The following SAMD12 variants were observed in gnomAD, a reference collection of about 807,000 sequenced individuals.
SAMD12 encodes the protein sterile alpha motif domain containing 12, also known as sterile alpha motif domain-containing protein 12.
SAMD12 carries 9 observed loss-of-function variants against 15.0 expected under a neutral mutation model. That is an observed-to-expected ratio of 0.60 (90% CI 0.36 to 1.05). The LOEUF (loss-of-function observed/expected upper bound fraction) is 1.05. Among genes scored for constraint, SAMD12 ranks in the 50% least tolerant of loss-of-function variants. SAMD12 has a pLI of 0.01. For synonymous variants in SAMD12, 86 were observed against 90.1 expected, an observed-to-expected ratio of 0.96 and a Z score of 0.25; for missense variants, 230 against 234.2, an observed-to-expected ratio of 0.98 and a Z score of 0.12.
At chr8:118,217,416 G>T (rs1177928550) in intron 4 of SAMD12, among the ~76,000 whole-genome samples, 1 of 152,180 alleles carries the variant, frequency 6.6e-6, no homozygotes, top group Admixed American at 6.5e-5. Flanking sequence ...TATCAGTATG[G>T]GTGAGGGATT....
intron 2 of SAMD12, among the ~76,000 whole-genome samples, chr8:118,442,349 C>T (rs1482986622): frequency 1.3e-5 from 2 of 152,216 alleles, no homozygotes; most frequent in Admixed American, 1.3e-4. Flanking sequence ...CTTTCACGTT[C>T]AGCCCTTGCT....
intron 4 of SAMD12, among the ~76,000 whole-genome samples, chr8:118,329,527 T>G (rs1816717132): frequency 6.6e-6 from 1 of 152,132 alleles, no homozygotes; most frequent in Admixed American, 6.6e-5. Flanking sequence ...CTGGAGTGCA[T>G]CTCCCTGATC....
chr8:118,372,990 G>A (rs933752689), downstream of SAMD12, among the ~76,000 whole-genome samples: 1 of 152,054 alleles, frequency 6.6e-6, no homozygotes, highest in African/African-American at 2.4e-5. Flanking sequence ...GTTGCCAGGG[G>A]CTGGTAGTAA....
At chr8:118,365,289 G>A (rs2130653259) in intron 4 of SAMD12, among the ~76,000 whole-genome samples, 1 of 152,252 alleles carries the variant, frequency 6.6e-6, no homozygotes, top group East Asian at 1.9e-4. Context: ...ACTGAGATAA[G>A]GGATGCCCAG....
intron 2 of SAMD12, among the ~76,000 whole-genome samples, chr8:118,542,751 T>G (rs1264493015): frequency 2.0e-5 from 3 of 152,252 alleles, no homozygotes; most frequent in Non-Finnish European, 4.4e-5. Flanking sequence ...ATGCATTTTA[T>G]TTCTATTTTG....
intron 4 of SAMD12, among the ~76,000 whole-genome samples, chr8:118,269,220 C>CTCTCTCTGTGTGTG (rs1299970707): frequency 8.9e-5 from 11 of 123,002 alleles, no homozygotes; most frequent in African/African-American, 3.7e-4. Context: ...CTCTCTCTCT[C>CTCTCTCTGTGTGTG]TGTGTGTGTG....
intron 1 of SAMD12, among the ~76,000 whole-genome samples, chr8:118,607,936 C>CTA (rs1180200334): frequency 6.6e-6 from 1 of 152,170 alleles, no homozygotes; most frequent in African/African-American, 2.4e-5. Flanking sequence ...TGTACATAGT[C>CTA]TATAAACACT....
chr8:118,280,392 G>T (rs1813590405), intron 4 of SAMD12, among the ~76,000 whole-genome samples: 1 of 152,138 alleles, frequency 6.6e-6, no homozygotes, highest in Admixed American at 6.5e-5. Context: ...TGACCACTCT[G>T]TGCTACATGG....
the SAMD12 span, among the ~76,000 whole-genome samples, chr8:118,143,151 CT>C: frequency 6.6e-6 from 1 of 152,232 alleles, no homozygotes; most frequent in Non-Finnish European, 1.5e-5. Context: ...ACAGTCAAGA[CT>C]TTTGATTACC....
intron 2 of SAMD12, among the ~76,000 whole-genome samples, chr8:118,441,918 A>G (rs10108907): frequency 0.69 from 104,652 of 151,988 alleles, 36,131 homozygotes; most frequent in Middle Eastern, 0.75. Context: ...ATGTGTAGGA[A>G]TTTTGGTCAA....
chr8:118,367,383 C>T (rs1424454311), intron 4 of SAMD12, among the ~76,000 whole-genome samples: 2 of 152,156 alleles, frequency 1.3e-5, no homozygotes, highest in African/African-American at 4.8e-5. Context: ...TTGAACACCG[C>T]ACATATTAGA....
the SAMD12 span, among the ~76,000 whole-genome samples, chr8:118,142,928 G>GAAT: frequency 1.3e-5 from 2 of 152,164 alleles, no homozygotes; most frequent in African/African-American, 4.8e-5. Flanking sequence ...TTAGAATAAT[G>GAAT]AATAATAATA....
chr8:118,336,171 G>C lies in SAMD12; in HGVS notation c.433+43389C>G, dbSNP rs569185350. ...TCAGAGAGTGACGGCACAGATATTT[G>C]AACCCAGCTCTGACTAACTCTAAAA... On this transcript the variant is annotated intron_variant, in intron 4 of 4. Coordinates refer to the SAMD12 transcript ENST00000409003. Among the ~76,000 whole-genome samples, 7 of 152,296 alleles carry C rather than the reference G, an allele frequency of 4.6e-5. No individual in the cohort carries two copies. In the South Asian group the frequency reaches 1.5e-3, roughly 32 times the overall value.
chr8:118,249,252 C>A (rs1563715041), intron 4 of SAMD12, among the ~76,000 whole-genome samples: 1 of 152,156 alleles, frequency 6.6e-6, no homozygotes. Context: ...CATTTTCTTA[C>A]ACTAAAAAGT....
the SAMD12 span, among the ~76,000 whole-genome samples, chr8:118,176,190 A>G: frequency 1.3e-5 from 2 of 152,208 alleles, no homozygotes; most frequent in Non-Finnish European, 2.9e-5. Flanking sequence ...AGTCCCAGCT[A>G]CTCAGAAGAC....
At position 118,379,357 on chromosome 8, in the gene SAMD12, C is replaced by A; in HGVS notation, c.*60G>T. 1 of 1,565,428 alleles carries A rather than the reference C, an allele frequency of 6.4e-7. No individual in the cohort carries two copies. On this transcript the variant is annotated 3_prime_UTR_variant, in exon 4 of 4. Transcript: ENST00000314727. ...GGTAATTCTGTTTGCTCATCCATTA[C>A]TTATTTGTGCATCCTTCTCCCTAGT... is the stretch of plus-strand genomic sequence containing the variant.
chr8:118,523,462 A>G (rs1825447824), intron 2 of SAMD12, among the ~76,000 whole-genome samples: 1 of 152,162 alleles, frequency 6.6e-6, no homozygotes, highest in African/African-American at 2.4e-5. Flanking sequence ...TGTAAATCAC[A>G]TAGACAATTA....
chr8:118,268,022 G>A (rs1478293314), intron 4 of SAMD12, among the ~76,000 whole-genome samples: 2 of 152,150 alleles, frequency 1.3e-5, no homozygotes, highest in Non-Finnish European at 2.9e-5. Context: ...AACTAAGGAG[G>A]CAGAGGTGGC....
At chr8:118,328,043 G>A (rs1308364158) in intron 4 of SAMD12, among the ~76,000 whole-genome samples, 1 of 152,120 alleles carries the variant, frequency 6.6e-6, no homozygotes, top group Non-Finnish European at 1.5e-5. Context: ...GTTCATATAT[G>A]TCAGTAATTC....
Sources: allele counts gnomAD v4.1 joint callset (sites outside exome capture counted in the v4.1 genomes callset), GRCh38; gene constraint gnomAD v4.1.1; transcripts MANE v1.5; gene names NCBI Gene and HGNC (gene_info 2026-07-23, HGNC 2026-07-21).